SATL1: variants seen among roughly 807,000 people sequenced by gnomAD.
SATL1 encodes the protein spermidine/spermine N1-acetyl transferase like 1.
Under a neutral mutation model 51.8 loss-of-function variants are expected in SATL1, and 47 were observed. That is an observed-to-expected ratio of 0.91 (90% CI 0.72 to 1.16). The LOEUF is 1.16. Among genes scored for constraint, SATL1 ranks in the 50% most tolerant of loss-of-function variants. SATL1 has a pLI of 0.00. For synonymous variants in SATL1, 176 were observed against 182.4 expected, an observed-to-expected ratio of 0.97 and a Z score of 0.28; for missense variants, 520 against 526.4, an observed-to-expected ratio of 0.99 and a Z score of 0.12.
intron 2 of SATL1, among the ~76,000 whole-genome samples, chrX:85,176,764 T>A (rs988260280): frequency 6.3e-5 from 7 of 111,281 alleles, no homozygotes; most frequent in African/African-American, 2.3e-4. Context: ...TTGGAGAAGA[T>A]AAGTCGGAAA....
chrX:85,220,672 A>AC (rs1928155789), intron 2 of SATL1, among the ~76,000 whole-genome samples: 1 of 83,788 alleles, frequency 1.2e-5, no homozygotes, highest in Non-Finnish European at 2.3e-5. Context: ...AAAAAAAAAA[A>AC]AAAAAAAAAA....
chrX:85,181,113 G>T (rs1300822731), intron 2 of SATL1, among the ~76,000 whole-genome samples: 4 of 107,412 alleles, frequency 3.7e-5, no homozygotes, highest in African/African-American at 1.4e-4. Context: ...GTGTGTGTGT[G>T]TGTGTATATA....
intron 2 of SATL1, among the ~76,000 whole-genome samples, chrX:85,145,597 T>C (rs774467479): frequency 1.1e-4 from 12 of 111,696 alleles, no homozygotes; most frequent in Non-Finnish European, 1.9e-4. Context: ...GTATTACATA[T>C]TAAAAGCCAC....
chrX:85,137,445 T>C (rs776175219), intron 2 of SATL1, among the ~76,000 whole-genome samples: 1 of 110,958 alleles, frequency 9.0e-6, no homozygotes, highest in Admixed American at 9.6e-5. Flanking sequence ...CTTCAAAATA[T>C]ACCCCAAATC....
At chrX:85,124,128 C>A (rs1292014617) in intron 2 of SATL1, among the ~76,000 whole-genome samples, 3 of 111,516 alleles carry the variant, frequency 2.7e-5, no homozygotes, top group Non-Finnish European at 5.7e-5. Flanking sequence ...GTTTACAATC[C>A]AACTTTGTGA....
chrX:85,120,024 A>G (rs955076048), intron 2 of SATL1, among the ~76,000 whole-genome samples: 4 of 112,075 alleles, frequency 3.6e-5, no homozygotes, highest in Non-Finnish European at 7.5e-5. Flanking sequence ...ATTATGAAGA[A>G]CTTTAATTTA....
chrX:85,120,454 G>T (rs1180765191), intron 2 of SATL1, among the ~76,000 whole-genome samples: 2 of 111,469 alleles, frequency 1.8e-5, no homozygotes, highest in Non-Finnish European at 3.8e-5. Context: ...GGACCAAAAA[G>T]AGCTAACAAG....
intron 2 of SATL1, among the ~76,000 whole-genome samples, chrX:85,163,810 T>G (rs2147729986): frequency 8.9e-6 from 1 of 112,064 alleles, no homozygotes; most frequent in African/African-American, 3.2e-5. Context: ...CATTGTTTCT[T>G]TGTTGACTTT....
At position 85,179,921 on chromosome X, in the gene SATL1, A is replaced by C. The variant is rs904421631; in HGVS notation, c.-313+44284T>G. Among the ~76,000 whole-genome samples the C allele has an allele frequency of 8.3e-5, 9 of 108,726 alleles. No homozygotes were observed. In the South Asian group the frequency reaches 1.2e-3, roughly 14 times the overall value. 94.4% of individuals were successfully genotyped at this position (108,726 alleles called of 115,157 possible). A position where few individuals can be genotyped will look rare whatever the true frequency, so the allele number is the denominator to read the frequency against. ...TGACTCCTGAATAATTAAAAAAAAA[A>C]CACACACACACAATAATACCTAGCA... On this transcript the variant is annotated intron_variant, in intron 2 of 7. Coordinates refer to ENST00000644105, the MANE Select transcript of SATL1 (RefSeq NM_001367857.2).
At chrX:85,222,036 G>T (rs917237821) in intron 2 of SATL1, among the ~76,000 whole-genome samples, 3 of 111,719 alleles carry the variant, frequency 2.7e-5, no homozygotes, top group Admixed American at 9.5e-5. Flanking sequence ...GGCTGCTATT[G>T]TAAGTTCTAG....
intron 2 of SATL1, among the ~76,000 whole-genome samples, chrX:85,130,294 T>C (rs1164780248): frequency 1.8e-5 from 2 of 111,574 alleles, no homozygotes; most frequent in African/African-American, 6.5e-5. Context: ...TTTTGGTTAA[T>C]AGGCTATTAA....
At chrX:85,172,894 T>C (rs1927002245) in intron 2 of SATL1, among the ~76,000 whole-genome samples, 1 of 111,526 alleles carries the variant, frequency 9.0e-6, no homozygotes, top group Non-Finnish European at 1.9e-5. Context: ...TGGGCATCTA[T>C]ATTAAAAAGA....
chrX:85,209,328 C>A (rs1231290784), intron 2 of SATL1: 4 of 111,596 alleles, frequency 3.6e-5, no homozygotes, highest in African/African-American at 1.3e-4. Context: ...CAGCTTTGTT[C>A]TTTTGGCTTA....
chrX:85,098,562 A>G (rs760821266), intron 4 of SATL1, among the ~76,000 whole-genome samples: 1 of 112,219 alleles, frequency 8.9e-6, no homozygotes, highest in African/African-American at 3.2e-5. Flanking sequence ...ATTAGGTCAC[A>G]TACCAAGTCT....
At chrX:85,170,508 A>G (rs1279897763) in intron 2 of SATL1, among the ~76,000 whole-genome samples, 1 of 111,732 alleles carries the variant, frequency 8.9e-6, no homozygotes, top group African/African-American at 3.2e-5. Flanking sequence ...ATGTCTTACA[A>G]TCTTAGGCTA....
At chrX:85,180,563 G>A (rs552182706) in intron 2 of SATL1, among the ~76,000 whole-genome samples, 1 of 111,747 alleles carries the variant, frequency 8.9e-6, no homozygotes, top group South Asian at 3.7e-4. Context: ...TATGCCATCT[G>A]TCATTGACAG....
chrX:85,113,061 C>T (rs912146396), intron 2 of SATL1, among the ~76,000 whole-genome samples: 11 of 111,154 alleles, frequency 9.9e-5, no homozygotes, highest in Non-Finnish European at 1.9e-4. Flanking sequence ...TGGACTCTTG[C>T]TACCTGTCAG....
chrX:85,162,195 C>A (rs1242548901), intron 2 of SATL1, among the ~76,000 whole-genome samples: 3 of 111,364 alleles, frequency 2.7e-5, no homozygotes, highest in Admixed American at 1.9e-4. Context: ...GCAGTAAATG[C>A]CCACGATAAA....
chrX:85,237,426 T>C (rs1569252575), intron 1 of SATL1, among the ~76,000 whole-genome samples: 2 of 111,111 alleles, frequency 1.8e-5, no homozygotes, highest in African/African-American at 6.5e-5. Context: ...CTACACTGAA[T>C]TCATTTTCAA....
Sources: allele counts gnomAD v4.1 joint callset (sites outside exome capture counted in the v4.1 genomes callset), GRCh38; gene constraint gnomAD v4.1.1; transcripts MANE v1.5; gene names NCBI Gene and HGNC (gene_info 2026-07-23, HGNC 2026-07-21).